The following HLTF variants were observed in gnomAD, a reference collection of about 807,000 sequenced individuals.
HLTF encodes DNA-dependent ATPase/E3 ubiquitin-protein ligase HLTF.
A neutral mutation model predicts 129.4 loss-of-function variants in HLTF; 127 were observed. The ratio of observed to expected loss-of-function variants is 0.98; its 90% CI spans 0.85 to 1.14. The LOEUF is 1.14. HLTF is among the 50% of genes most tolerant of loss of function. The pLI is 0.00. For synonymous variants in HLTF, 332 were observed against 388.8 expected (o/e 0.85, Z 1.72); for missense variants, 1,139 against 1,187.1 (o/e 0.96, Z 0.60).
intron 13 of HLTF, among the ~76,000 whole-genome samples, chr3:149,058,909 CA>C (rs1717692851): frequency 6.6e-6 from 1 of 152,176 alleles, no homozygotes; most frequent in Non-Finnish European, 1.5e-5. Context: ...GAAATTTCCA[CA>C]TTTCTTTAAA....
rs988565115 is a variant in HLTF at position 149,048,944 on chromosome 3, C to T, written c.1675G>A (p.Gly559Arg). 6.2e-7 allele frequency: 1 copy of T among 1,610,734 alleles called. No individual in the cohort carries two copies. The highest frequency in any genetic ancestry group is 8.5e-7 in the Non-Finnish European group (1 of 1,177,062). Residue 559 changes from glycine to arginine, a missense_variant, in exon 16 of 25, where the codon GGA becomes AGA. By Grantham distance (125) the Gly-to-Arg change is moderately radical. Transcript: ENST00000310053. ...GCATTTGGATTTCGTATGGCATGTC[C>T]TTCATCCAGGATCACTCTTAGCCAC... Reference protein sequence around the residue: ...IRWLRVILDEGHAIRNPNAQQ... With the variant: ...IRWLRVILDERHAIRNPNAQQ...
chr3:149,053,671 TCA>T (rs1296589081), intron 14 of HLTF, among the ~76,000 whole-genome samples: 5 of 152,208 alleles, frequency 3.3e-5, no homozygotes, highest in South Asian at 2.1e-4. Context: ...TCCTTTAAAT[TCA>T]CAGAGTGTGC....
At chr3:149,049,750 T>C (rs2107988395) in intron 15 of HLTF, among the ~76,000 whole-genome samples, 1 of 152,354 alleles carries the variant, frequency 6.6e-6, no homozygotes, top group East Asian at 1.9e-4. Flanking sequence ...CCCAGCACTT[T>C]GGGAGGCCAA....
At chr3:149,064,217 T>C (rs1718175220) in intron 9 of HLTF, among the ~76,000 whole-genome samples, 1 of 152,162 alleles carries the variant, frequency 6.6e-6, no homozygotes, top group South Asian at 2.1e-4. Flanking sequence ...CATCTTACCC[T>C]AACTCGCCAC....
intron 9 of HLTF, 67 bp from the exon 10 acceptor site, chr3:149,063,591 T>G: frequency 2.2e-6 from 2 of 901,150 alleles, no homozygotes; most frequent in Admixed American, 4.0e-5. Context: ...ATTATCCCTC[T>G]TAAAACCTTG....
At chr3:149,061,994 T>C (rs1160466660) in intron 10 of HLTF, among the ~76,000 whole-genome samples, 1 of 152,220 alleles carries the variant, frequency 6.6e-6, no homozygotes, top group African/African-American at 2.4e-5. Flanking sequence ...AGTGATTAAG[T>C]GCCTAAGAGC....
chr3:149,079,638 G>C (rs569619963), intron 2 of HLTF, among the ~76,000 whole-genome samples: 2 of 152,064 alleles, frequency 1.3e-5, no homozygotes, highest in African/African-American at 2.4e-5. Context: ...CTGTCACCAG[G>C]CTGGAGTACA....
At chr3:149,082,442 G>C (rs1719954124) in intron 2 of HLTF, among the ~76,000 whole-genome samples, 1 of 152,134 alleles carries the variant, frequency 6.6e-6, no homozygotes, top group Admixed American at 6.5e-5. Flanking sequence ...CTGAGAAACA[G>C]AGCGAGACTC....
At chr3:149,078,214 G>C (rs1719551320) in intron 2 of HLTF, among the ~76,000 whole-genome samples, 1 of 152,208 alleles carries the variant, frequency 6.6e-6, no homozygotes, top group South Asian at 2.1e-4. Flanking sequence ...ATAGATGTTT[G>C]ACATAGTAGA....
At chr3:149,043,310 T>C (rs1216214987) in intron 18 of HLTF, among the ~76,000 whole-genome samples, 1 of 151,374 alleles carries the variant, frequency 6.6e-6, no homozygotes, top group African/African-American at 2.4e-5. Context: ...GAAACAGGAC[T>C]GAGAAAATCA....
rs184353825 is a variant in HLTF at position 149,032,103 on chromosome 3, T to C, written c.*117A>G. 1.3e-5 allele frequency: 9 copies of C among 707,160 alleles called. No individual in the cohort carries two copies. The Middle Eastern group carries it at 1.3e-3, about 101-fold the overall frequency. 43.8% of individuals were successfully genotyped at this position (707,160 alleles called of 1,614,324 possible). A position where few individuals can be genotyped will look rare whatever the true frequency, so the allele number is the denominator to read the frequency against. ...TGTCAGTAATACCTCTTCACTAATA[T>C]AAAATATGCCCCTTTTAGAAGACGT... On this transcript the variant is annotated 3_prime_UTR_variant, in exon 25 of 25. Transcript: ENST00000310053.
chr3:149,085,797 A>G (rs537422028), intron 1 of HLTF, among the ~76,000 whole-genome samples: 1 of 152,210 alleles, frequency 6.6e-6, no homozygotes, highest in Non-Finnish European at 1.5e-5. Context: ...TTGGACAATG[A>G]AAAGTGAAGG....
At chr3:149,075,104 T>A (rs1191682539) in intron 3 of HLTF, among the ~76,000 whole-genome samples, 1 of 152,252 alleles carries the variant, frequency 6.6e-6, no homozygotes, top group Non-Finnish European at 1.5e-5. Flanking sequence ...AAGTTTTTTG[T>A]ATTTAAGAAA....
At chr3:149,075,522 C>A (rs1011666440) in intron 3 of HLTF, among the ~76,000 whole-genome samples, 1 of 152,152 alleles carries the variant, frequency 6.6e-6, no homozygotes, top group African/African-American at 2.4e-5. Flanking sequence ...GCAGCCTGGG[C>A]AACAGAGTGA....
intron 13 of HLTF, chr3:149,059,305 C>A: frequency 9.1e-6 from 3 of 329,550 alleles, no homozygotes; most frequent in Non-Finnish European, 1.8e-5. Context: ...TGTTGTTTTC[C>A]TATGAATTAC....
At chr3:149,084,916 A>G (rs1174767746) in intron 1 of HLTF, 27 bp from the exon 2 acceptor site, 3 of 1,503,294 alleles carry the variant, frequency 2.0e-6, no homozygotes, top group Admixed American at 3.4e-5. Flanking sequence ...GCAAAGAAAA[A>G]CAATATAATA....
Position 149,067,186 on chromosome 3 carries a change from G to A in HLTF, c.990+1054C>T, listed in dbSNP as rs183385646. Among the ~76,000 whole-genome samples the A allele has an allele frequency of 8.5e-3, 1,275 of 150,422 alleles. 19 individuals are homozygous for A. The highest frequency in any genetic ancestry group is 0.029 in the African/African-American group (1,205 of 41,030). On this transcript the variant is annotated intron_variant, in intron 8 of 24. Transcript: ENST00000310053. ...GTTTATATTATATACATATATATATGTATATATATACACACACACACACAA... is the reference window on the plus strand; with the variant it reads ...GTTTATATTATATACATATATATATATATATATATACACACACACACACAA...
At position 149,049,864 on chromosome 3, in the gene HLTF, T is replaced by C. The variant is rs968591897; in HGVS notation, c.1617+368A>G. 4.6e-5 allele frequency among the ~76,000 whole-genome samples: 7 copies of C among 152,094 alleles called. No homozygotes were observed. The East Asian group carries it at 1.4e-3, about 29-fold the overall frequency. ...AAAATTAGCTGAGTGTGGTGATGCA[T>C]GCCTGTAATCCCAGCTACTTGGGAG... On this transcript the variant is annotated intron_variant, in intron 15 of 24. Coordinates refer to ENST00000310053, the MANE Select transcript of HLTF (RefSeq NM_003071.4).
Position 149,035,106 on chromosome 3 carries a change from T to C in HLTF, c.2797-108A>G. 3.6e-6 allele frequency: 3 copies of C among 843,884 alleles called. No homozygotes were observed. The East Asian group carries it at 7.7e-5, about 22-fold the overall frequency. 52.3% of individuals were successfully genotyped at this position (843,884 alleles called of 1,614,324 possible). ...CATTCATCTTTTTCTGACTGAAAGT[T>C]TTCTGCCTGAAGTCAGATACTAACA... On this transcript the variant is annotated intron_variant, in intron 23 of 24. Coordinates refer to ENST00000310053, the MANE Select transcript of HLTF (RefSeq NM_003071.4).
Sources: gnomAD v4.1 joint callset for allele counts (sites outside exome capture counted in the v4.1 genomes callset) on GRCh38, gnomAD v4.1.1 for gene constraint, MANE v1.5 for transcripts, NCBI Gene and HGNC (gene_info 2026-07-23, HGNC 2026-07-21) for gene names.